OGG1: variants seen among roughly 807,000 people sequenced by gnomAD.
OGG1 encodes 8-oxoguanine DNA glycosylase.
Under a neutral mutation model 42.3 loss-of-function variants are expected in OGG1, and 35 were observed. That is an observed-to-expected ratio of 0.83 (90% CI 0.63 to 1.10). The LOEUF (loss-of-function observed/expected upper bound fraction) is 1.10, where lower values mean the gene tolerates loss of function less well. OGG1 is among the 50% of genes least tolerant of loss of function. OGG1 has a pLI of 0.00. For synonymous variants in OGG1, 189 were observed against 179.0 expected (o/e 1.06, Z -0.44); for missense variants, 484 against 446.7 (o/e 1.08, Z -0.75).
At chr3:9,777,926 G>A (rs2078385319) in intron 2 of OGG1, among the ~76,000 whole-genome samples, 1 of 152,130 alleles carries the variant, frequency 6.6e-6, no homozygotes, top group Non-Finnish European at 1.5e-5. Context: ...CCAAGTATAG[G>A]GAGTACCATT....
At chr3:9,788,993 G>A (rs1236508374), downstream of OGG1, among the ~76,000 whole-genome samples, 1 of 152,064 alleles carries the variant, frequency 6.6e-6, no homozygotes, top group Non-Finnish European at 1.5e-5. Context: ...ACACCGCCAT[G>A]CCTGGCTAAT....
chr3:9,750,666 G>T (rs1031235658), intron 1 of OGG1: 11 of 699,940 alleles, frequency 1.6e-5, no homozygotes, highest in Middle Eastern at 2.6e-4. Flanking sequence ...TTGAGACAGG[G>T]TCTCGCTCTG....
downstream of OGG1, among the ~76,000 whole-genome samples, chr3:9,767,312 G>A (rs113214804): frequency 2.7e-4 from 41 of 152,326 alleles, no homozygotes; most frequent in Admixed American, 9.8e-4. Flanking sequence ...TTGAAGGGCA[G>A]AGACCAGGTT....
intron 2 of OGG1, among the ~76,000 whole-genome samples, chr3:9,774,849 G>C (rs979007803): frequency 2.0e-5 from 3 of 152,174 alleles, no homozygotes; most frequent in Admixed American, 1.3e-4. Flanking sequence ...TGCATCAAAG[G>C]CTTAAATAAT....
chr3:9,750,586 G>A (rs1420047233), intron 1 of OGG1, 163 bp downstream of exon 1: 7 of 909,840 alleles, frequency 7.7e-6, no homozygotes, highest in African/African-American at 1.6e-5. Context: ...TAATATGTCT[G>A]TACAGTGATA....
intron 2 of OGG1, among the ~76,000 whole-genome samples, chr3:9,780,752 C>T (rs537900973): frequency 6.6e-6 from 1 of 152,248 alleles, no homozygotes; most frequent in African/African-American, 2.4e-5. Context: ...ATGTTGATCA[C>T]GGGGGAGGCT....
intron 7 of OGG1, chr3:9,765,617 G>A: frequency 1.0e-6 from 1 of 977,956 alleles, no homozygotes; most frequent in Non-Finnish European, 1.5e-6. Context: ...ACCCTGCCAA[G>A]TGGAAATTGT....
intron 7 of OGG1, among the ~76,000 whole-genome samples, chr3:9,762,576 C>T (rs1328944579): frequency 1.3e-5 from 2 of 152,034 alleles, no homozygotes; most frequent in African/African-American, 4.8e-5. Context: ...AGGGTTTTGC[C>T]AAGCTGGTCT....
chr3:9,757,615 G>C, downstream of OGG1: 1 of 1,614,166 alleles, frequency 6.2e-7, no homozygotes, highest in African/African-American at 1.3e-5. This position sits in a 1 kb window ranked among gnomAD's most constrained non-coding sequence, Gnocchi z 4.5. Flanking sequence ...ACAGCCAGCT[G>C]CCGGCCCTGC....
At chr3:9,778,885 C>T (rs567032221) in intron 2 of OGG1, among the ~76,000 whole-genome samples, 15 of 152,196 alleles carry the variant, frequency 9.9e-5, no homozygotes, top group Non-Finnish European at 1.5e-4. Flanking sequence ...GCTGGGTATA[C>T]GAGAATGTTG....
downstream of OGG1, chr3:9,789,511 T>C: frequency 6.2e-7 from 1 of 1,613,758 alleles, no homozygotes; most frequent in South Asian, 1.1e-5. Context: ...GTTTCTACCT[T>C]GTAATGCTCA....
chr3:9,778,789 A>G (rs2078398311), intron 2 of OGG1, among the ~76,000 whole-genome samples: 1 of 152,166 alleles, frequency 6.6e-6, no homozygotes, highest in Admixed American at 6.6e-5. Context: ...TTGACTGGCC[A>G]AGCTGGGGTC....
At chr3:9,757,484 G>A (rs2077634004), downstream of OGG1, 1 of 1,603,176 alleles carries the variant, frequency 6.2e-7, no homozygotes, top group African/African-American at 1.3e-5. This position sits in a 1 kb window ranked among gnomAD's most constrained non-coding sequence, Gnocchi z 4.5. Flanking sequence ...GGGAAGGGGA[G>A]CAGGCTGCCC....
chr3:9,759,098 C>G (rs1439813662), downstream of OGG1: 1 of 1,085,082 alleles, frequency 9.2e-7, no homozygotes, highest in Non-Finnish European at 1.4e-6. Context: ...CTCAGCCCCT[C>G]CAGTCTGGCC....
At chr3:9,776,392 T>TC (rs1486842770) in intron 2 of OGG1, among the ~76,000 whole-genome samples, 2 of 140,608 alleles carry the variant, frequency 1.4e-5, no homozygotes, top group Admixed American at 7.0e-5. Context: ...TCTTTTCTTT[T>TC]TTTTTTTTTT....
intron 2 of OGG1, among the ~76,000 whole-genome samples, chr3:9,775,266 C>A (rs532084549): frequency 6.6e-6 from 1 of 151,950 alleles, no homozygotes; most frequent in African/African-American, 2.4e-5. Context: ...AAACAAAAAA[C>A]AATATGCCCT....
At position 9,750,237 on chromosome 3, in the gene OGG1, G is replaced by C. The variant is rs2077229646; in HGVS notation, c.-50G>C. The C allele has an allele frequency of 6.3e-7, 1 of 1,581,256 alleles. No individual in the cohort carries two copies. Among genetic ancestry groups the C allele is most frequent in the Non-Finnish European group, 8.6e-7 (1 of 1,164,450 alleles). ...GGCGGGGTCTTTGGGCGTCGACGAG[G>C]CCTGGTTCTGGGTAGGCGGGGCTAC... On this transcript the variant is annotated 5_prime_UTR_variant, in exon 1 of 7. Coordinates refer to ENST00000344629, the MANE Select transcript of OGG1 (RefSeq NM_002542.6).
At chr3:9,779,185 T>C (rs1435908108) in intron 2 of OGG1, among the ~76,000 whole-genome samples, 3 of 152,118 alleles carry the variant, frequency 2.0e-5, no homozygotes, top group Non-Finnish European at 4.4e-5. Flanking sequence ...GGTTTTACTC[T>C]CTCTCCACCA....
intron 2 of OGG1, among the ~76,000 whole-genome samples, chr3:9,777,978 TGAA>T (rs1207743957): frequency 1.3e-5 from 2 of 152,200 alleles, no homozygotes; most frequent in Non-Finnish European, 2.9e-5. Context: ...TGAGTTGTAA[TGAA>T]GAGGCTCTCT....
Sources: allele counts gnomAD v4.1 joint callset (sites outside exome capture counted in the v4.1 genomes callset), GRCh38; gene constraint gnomAD v4.1.1; non-coding constraint Gnocchi (gnomAD v3.1); transcripts MANE v1.5; gene names NCBI Gene and HGNC (gene_info 2026-07-23, HGNC 2026-07-21).